Variants in MBD5 observed in about 807,000 individuals in gnomAD.
MBD5 encodes methyl-CpG-binding domain protein 5.
MBD5 carries 13 observed loss-of-function variants against 117.3 expected under a neutral mutation model. That is an observed-to-expected ratio of 0.11 (90% CI 0.07 to 0.18). MBD5 has a LOEUF of 0.18. Ranked by LOEUF, MBD5 falls within the 10% of genes least tolerant of loss-of-function variation. MBD5 has a pLI of 1.00. For synonymous variants in MBD5, 727 were observed against 766.4 expected (o/e 0.95, Z 0.85); for missense variants, 1,879 against 2,093.8 (o/e 0.90, Z 2.00).
chr2:148,304,067 A>G (rs1244419380), intron 3 of MBD5, among the ~76,000 whole-genome samples: 1 of 152,194 alleles, frequency 6.6e-6, no homozygotes, highest in African/African-American at 2.4e-5. Context: ...CCACAGCCAT[A>G]TATCCACACT....
chr2:148,054,912 G>C (rs1283407320), intron 1 of MBD5: 1 of 152,116 alleles, frequency 6.6e-6, no homozygotes, highest in Non-Finnish European at 1.5e-5. Flanking sequence ...TTGTTTTGCT[G>C]TTTCTCTGTC....
intron 4 of MBD5, chr2:148,347,246 G>C: frequency 6.6e-6 from 1 of 151,972 alleles, no homozygotes; most frequent in Non-Finnish European, 1.5e-5. Context: ...ATGGTGATGT[G>C]TGCCTATAAT....
At chr2:148,328,407 A>G (rs917167128) in intron 3 of MBD5, among the ~76,000 whole-genome samples, 5 of 152,180 alleles carry the variant, frequency 3.3e-5, no homozygotes, top group Non-Finnish European at 5.9e-5. Context: ...TACCTAAGCA[A>G]GCCTGGGCAA....
intron 3 of MBD5, among the ~76,000 whole-genome samples, chr2:148,255,975 G>A (rs2106269080): frequency 6.6e-6 from 1 of 152,382 alleles, no homozygotes; most frequent in Middle Eastern, 3.4e-3. Context: ...GGGCCTGGAT[G>A]GTGTTCTGTT....
chr2:148,487,455 A>C (rs950368935), intron 10 of MBD5, among the ~76,000 whole-genome samples: 2 of 152,228 alleles, frequency 1.3e-5, no homozygotes, highest in African/African-American at 4.8e-5. Context: ...AGCGAGAAGT[A>C]ATGATGAAGA....
chr2:148,199,748 A>C (rs1379439119), intron 2 of MBD5, among the ~76,000 whole-genome samples: 1 of 152,042 alleles, frequency 6.6e-6, no homozygotes, highest in Non-Finnish European at 1.5e-5. Context: ...TGACAGAGTA[A>C]GACCCTGTCT....
chr2:148,128,080 T>G (rs1185346276), intron 1 of MBD5, among the ~76,000 whole-genome samples: 1 of 152,210 alleles, frequency 6.6e-6, no homozygotes, highest in Non-Finnish European at 1.5e-5. Context: ...TTAATGGGGT[T>G]GTTTTTTTCT....
chr2:148,424,177 CAAAAAAAAAAA>C (rs56740583), intron 4 of MBD5, among the ~76,000 whole-genome samples: 5 of 53,434 alleles, frequency 9.4e-5, no homozygotes, highest in Non-Finnish European at 2.1e-4. Flanking sequence ...GACTCTGTCT[CAAAAAAAAAAA>C]AAAAAAAAAA....
At chr2:148,327,842 C>A (rs1219594346) in intron 3 of MBD5, among the ~76,000 whole-genome samples, 1 of 152,192 alleles carries the variant, frequency 6.6e-6, no homozygotes, top group Non-Finnish European at 1.5e-5. Flanking sequence ...TCTCTCAGCT[C>A]GTCAAAGTCA....
At position 148,345,572 on chromosome 2, in the gene MBD5, CACATACATATGTATATACACG is replaced by C. The variant is rs1216056116; in HGVS notation, c.-557+3237_-557+3257del. Among the ~76,000 whole-genome samples the C allele has an allele frequency of 3.3e-3, 241 of 73,500 alleles. 3 individuals are homozygous for C. The highest frequency in any genetic ancestry group is 0.013 in the African/African-American group (238 of 17,894). 48.2% of individuals were successfully genotyped at this position (73,500 alleles called of 152,430 possible). The stretch of plus-strand genomic sequence containing the variant: ...ACATACATATGTATATACACGTATA[CACATACATATGTATATACACG>C]TATACACATACATATGTATATACAC... On this transcript the variant is annotated intron_variant, in intron 4 of 13. Coordinates refer to ENST00000642680, the MANE Select transcript of MBD5 (RefSeq NM_001378120.1).
intron 1 of MBD5, chr2:148,068,547 C>T (rs369921160): frequency 1.3e-5 from 2 of 152,186 alleles, no homozygotes; most frequent in South Asian, 4.1e-4. Flanking sequence ...TGTTCTGAAT[C>T]TAAGAGCTCT....
chr2:148,065,048 G>A (rs558570602), intron 1 of MBD5, among the ~76,000 whole-genome samples: 94 of 152,226 alleles, frequency 6.2e-4, no homozygotes, highest in African/African-American at 2.2e-3. Flanking sequence ...GAGTCTGATA[G>A]AGATGGAGTT....
chr2:148,451,750 T>C (rs1477079242), intron 4 of MBD5, among the ~76,000 whole-genome samples: 1 of 152,202 alleles, frequency 6.6e-6, no homozygotes. Flanking sequence ...GGACTTGTTC[T>C]TAATTGGAGA....
Position 148,483,670 on chromosome 2 carries a change from A to T in MBD5, c.3079A>T (p.Thr1027Ser). 1 of 1,550,726 alleles carries T rather than the reference A, an allele frequency of 6.4e-7. No homozygotes were observed. The highest frequency in any genetic ancestry group is 8.7e-7 in the Non-Finnish European group (1 of 1,147,010). ...QQQNTPLPSL[T>S]QMTAPPDHLP... ...GCAAAATACCCCTTTACCCTCATTA[A>T]CACAGATGACAGCCCCACCAGACCA... The change falls in exon 9 of 14, where the codon ACA becomes TCA. Residue 1027 changes from threonine to serine, a missense_variant. By Grantham distance (58) the Thr-to-Ser change is moderately conservative. Coordinates refer to ENST00000642680, the MANE Select transcript of MBD5 (RefSeq NM_001378120.1).
chr2:148,325,617 T>A (rs1291182432), intron 3 of MBD5, among the ~76,000 whole-genome samples: 6 of 152,206 alleles, frequency 3.9e-5, no homozygotes, highest in Non-Finnish European at 5.9e-5. Context: ...TCTAGTATAT[T>A]TGCGTAGAGG....
chr2:148,221,110 A>G (rs558804890), intron 2 of MBD5, among the ~76,000 whole-genome samples: 26 of 152,228 alleles, frequency 1.7e-4, no homozygotes, highest in Admixed American at 4.6e-4. Flanking sequence ...ACAACATCTT[A>G]TTCTTTTTGA....
chr2:148,239,024 A>G (rs1457379160), intron 3 of MBD5, among the ~76,000 whole-genome samples: 1 of 149,876 alleles, frequency 6.7e-6, no homozygotes, highest in African/African-American at 2.5e-5. Flanking sequence ...TTATATACAC[A>G]CACACACGTG....
At chr2:148,308,906 A>G (rs910495520) in intron 3 of MBD5, among the ~76,000 whole-genome samples, 1 of 152,208 alleles carries the variant, frequency 6.6e-6, no homozygotes, top group African/African-American at 2.4e-5. Flanking sequence ...TTTATTAAAT[A>G]GGGAATCCTT....
intron 2 of MBD5, among the ~76,000 whole-genome samples, chr2:148,215,207 C>G (rs1329128282): frequency 6.6e-6 from 1 of 152,182 alleles, no homozygotes; most frequent in Non-Finnish European, 1.5e-5. Context: ...TTCTTTCTTA[C>G]CACTACTCTG....
Sources: allele counts gnomAD v4.1 joint callset (sites outside exome capture counted in the v4.1 genomes callset), GRCh38; gene constraint gnomAD v4.1.1; transcripts MANE v1.5; gene names NCBI Gene and HGNC (gene_info 2026-07-23, HGNC 2026-07-21).